The following VCAN variants were observed in gnomAD, a reference collection of about 807,000 sequenced individuals.
The protein encoded by VCAN is versican, also known as versican core protein.
In VCAN, 44 loss-of-function variants were observed where a neutral mutation model predicts 245.5. That is an observed-to-expected ratio of 0.18 (90% CI 0.14 to 0.23). The LOEUF (loss-of-function observed/expected upper bound fraction) is 0.23. Among genes scored for constraint, VCAN ranks in the 10% least tolerant of loss-of-function variants. The pLI is 1.00. For synonymous variants in VCAN, 1,413 were observed against 1,437.0 expected (o/e 0.98, Z 0.38); for missense variants, 3,793 against 4,057.9 (o/e 0.93, Z 1.77).
intron 2 of VCAN, among the ~76,000 whole-genome samples, chr5:83,487,087 C>T (rs139311141): frequency 4.6e-5 from 7 of 152,218 alleles, no homozygotes; most frequent in South Asian, 2.1e-4. Context: ...CTGTCCTAAT[C>T]GTTGATTATC....
rs1746920778 is a variant in VCAN at position 83,540,353 on chromosome 5, A to G, written c.7350A>G (p.Ala2450=). Reference sequence around the variant, plus strand: ...TTCACACTTCTGCAACTACTCAGGCAACCAGACAAGAAAGCAGCACCACAT... The same window carrying G: ...TTCACACTTCTGCAACTACTCAGGCGACCAGACAAGAAAGCAGCACCACAT... The part of the protein sequence containing the change: ...DSFHTSATTQ[A]TRQESSTTFV... The change falls in exon 8 of 15, where the codon GCA becomes GCG. Residue 2450 remains alanine (A), a synonymous_variant. Coordinates refer to ENST00000265077, the MANE Select transcript of VCAN (RefSeq NM_004385.5). 6.2e-7 allele frequency: 1 copy of G among 1,614,116 alleles called. No homozygotes were observed. The highest frequency in any genetic ancestry group is 2.2e-5 in the East Asian group (1 of 44,876).
At chr5:83,503,633 A>T (rs1745397859) in intron 5 of VCAN, among the ~76,000 whole-genome samples, 1 of 152,252 alleles carries the variant, frequency 6.6e-6, no homozygotes, top group Non-Finnish European at 1.5e-5. Context: ...TAGAGCTATA[A>T]GCACTAATGA....
intron 8 of VCAN, 35 bp downstream of exon 8, chr5:83,542,303 C>T (rs755845208): frequency 1.3e-6 from 2 of 1,584,906 alleles, no homozygotes; most frequent in South Asian, 2.2e-5. Context: ...TGTTTCCAAA[C>T]CTGGAAACAG....
At position 83,520,940 on chromosome 5, in the gene VCAN, A is replaced by G. The variant is rs1212233434; in HGVS notation, c.2634A>G (p.Lys878=). Residue 878 remains lysine, a synonymous_variant, in exon 7 of 15, where the codon AAA becomes AAG. Coordinates refer to ENST00000265077, the MANE Select transcript of VCAN (RefSeq NM_004385.5). The stretch of plus-strand genomic sequence containing the variant: ...ATGAAGACATAGCAGCCCATGGAAA[A>G]TTCACAATTAGATTTCAGCCAACTA... ...VTDEDIAAHG[K]FTIRFQPTTS... 1.2e-6 allele frequency: 2 copies of G among 1,614,130 alleles called. No homozygotes were observed. Among genetic ancestry groups the G allele is most frequent in the South Asian group, 1.1e-5 (1 of 91,084 alleles).
At chr5:83,571,194 A>G (rs151228456) in intron 12 of VCAN, among the ~76,000 whole-genome samples, 55 of 152,290 alleles carry the variant, frequency 3.6e-4, no homozygotes, top group African/African-American at 1.3e-3. Flanking sequence ...GTCTCATACC[A>G]CATTCTAGTT....
In VCAN at chr5:83,581,132, G is replaced by A. The variant is rs1044075085; in HGVS notation, c.*698G>A. On this transcript the variant is annotated 3_prime_UTR_variant, in exon 15 of 15. Transcript: ENST00000265077. ...TTCCTTTTTCTTCACTTACAAGAAA[G>A]GCCTGAATGGAGGACTTTTCTGTAA... 6.5e-6 allele frequency: 1 copy of A among 153,322 alleles called. No individual in the cohort carries two copies. Among genetic ancestry groups the A allele is most frequent in the African/African-American group, 2.4e-5 (1 of 41,414 alleles). The allele number at this position is 153,322 out of a possible 1,614,324, so 9.5% of individuals were successfully genotyped here.
intron 7 of VCAN, among the ~76,000 whole-genome samples, chr5:83,524,775 A>T (rs907345194): frequency 3.3e-5 from 5 of 152,194 alleles, no homozygotes; most frequent in Admixed American, 1.3e-4. Context: ...CCTAAAGCAG[A>T]TGTTCAATTA....
In VCAN at chr5:83,520,013, C is replaced by G. The variant is rs766131650; in HGVS notation, c.1707C>G (p.Ser569Arg). Reference sequence around the variant, plus strand: ...CACTTACAGTTGGATCTGATGAGAGCACCTTGATCTTTGACCAAATTCCTG... The same window carrying G: ...CACTTACAGTTGGATCTGATGAGAGGACCTTGATCTTTGACCAAATTCCTG... The part of the protein sequence containing the change: ...DRTLTVGSDE[S>R]TLIFDQIPEV... The change falls in exon 7 of 15, where the codon AGC becomes AGG. Residue 569 changes from serine to arginine, a missense_variant. Transcript: ENST00000265077. The G allele has an allele frequency of 1.7e-4, 268 of 1,613,940 alleles. No homozygotes were observed. Among genetic ancestry groups the G allele is most frequent in the Non-Finnish European group, 2.2e-4 (258 of 1,179,960 alleles).
chr5:83,531,952 T>C (rs1746538505), intron 7 of VCAN, among the ~76,000 whole-genome samples: 1 of 152,026 alleles, frequency 6.6e-6, no homozygotes, highest in Non-Finnish European at 1.5e-5. Context: ...CCCTGTAGAG[T>C]TCTGTGGTTT....
chr5:83,500,904 G>A (rs190647904), intron 5 of VCAN, among the ~76,000 whole-genome samples: 99 of 152,230 alleles, frequency 6.5e-4, no homozygotes, highest in Non-Finnish European at 1.1e-3. Context: ...TTTCAATGTG[G>A]CTGTACCATT....
intron 6 of VCAN, among the ~76,000 whole-genome samples, chr5:83,517,857 A>G (rs560176980): frequency 8.5e-5 from 13 of 152,300 alleles, no homozygotes; most frequent in Non-Finnish European, 1.9e-4. Context: ...AGTGAAGCTG[A>G]GCTTTAAAAT....
intron 5 of VCAN, among the ~76,000 whole-genome samples, chr5:83,509,415 A>G (rs1745584944): frequency 6.6e-6 from 1 of 152,196 alleles, no homozygotes; most frequent in African/African-American, 2.4e-5. Context: ...GAAACCAGCT[A>G]CCCATGAAAT....
At chr5:83,549,472 C>A (rs954938030) in intron 10 of VCAN, among the ~76,000 whole-genome samples, 1 of 152,154 alleles carries the variant, frequency 6.6e-6, no homozygotes, top group African/African-American at 2.4e-5. Context: ...GCTAGTAAAT[C>A]GTACAATGGG....
chr5:83,572,357 G>A (rs1006596724), intron 12 of VCAN, 59 bp from the exon 13 acceptor site: 10 of 1,594,828 alleles, frequency 6.3e-6, no homozygotes, highest in South Asian at 2.2e-5. Context: ...TAATACCGTC[G>A]TTGCTCTTAC....
chr5:83,558,591 T>A (rs961233619), intron 12 of VCAN, among the ~76,000 whole-genome samples: 2 of 152,158 alleles, frequency 1.3e-5, no homozygotes, highest in East Asian at 3.8e-4. Context: ...ATTTCAATGA[T>A]CCATTTTACT....
chr5:83,532,567 G>C (rs1746562001), intron 7 of VCAN, among the ~76,000 whole-genome samples: 1 of 151,922 alleles, frequency 6.6e-6, no homozygotes, highest in African/African-American at 2.4e-5. Context: ...CTGATATTAA[G>C]AAATCCAGCC....
intron 1 of VCAN, among the ~76,000 whole-genome samples, chr5:83,478,489 T>C (rs1744477066): frequency 6.6e-6 from 1 of 152,120 alleles, no homozygotes; most frequent in Non-Finnish European, 1.5e-5. Flanking sequence ...CCAAGACAAA[T>C]GGACAAGGAT....
rs755806449 is a variant in VCAN at position 83,541,066 on chromosome 5, C to A, written c.8063C>A (p.Pro2688His). ...GAAACAGAATTAGACGTTTTACTTCCCACGGCAACATCCCTGCCAATTCCT... is the reference window on the plus strand; with the variant it reads ...GAAACAGAATTAGACGTTTTACTTCACACGGCAACATCCCTGCCAATTCCT... ...STETELDVLL[P>H]TATSLPIPRK... is the part of the protein sequence containing the mutation. The change falls in exon 8 of 15, where the codon CCC becomes CAC. Residue 2688 changes from proline to histidine, a missense_variant. By Grantham distance (77) the Pro-to-His change is moderately conservative. This residue lies in a region of VCAN where 3,182 missense variants were observed against 3,250.3 expected (regional missense o/e 0.98). Coordinates refer to ENST00000265077, the MANE Select transcript of VCAN (RefSeq NM_004385.5). The A allele has an allele frequency of 1.9e-6, 3 of 1,614,014 alleles. No homozygotes were observed. The highest frequency in any genetic ancestry group is 1.7e-5 in the Admixed American group (1 of 60,002).
In VCAN at chr5:83,536,908, CTT is replaced by C. The variant is rs1746732723; in HGVS notation, c.4004-97_4004-96del. 24 of 984,186 alleles carry C rather than the reference CTT, an allele frequency of 2.4e-5. No homozygotes were observed. The South Asian group carries it at 4.3e-4, about 18-fold the overall frequency. The allele number at this position is 984,186 out of a possible 1,614,324, so 61.0% of individuals were successfully genotyped here. On this transcript the variant is annotated intron_variant, in intron 7 of 14. Coordinates refer to ENST00000265077, the MANE Select transcript of VCAN (RefSeq NM_004385.5). ...TTATTATGAAAAGATTTGAATCCTTCTTTGTGTGTGTGGGTGTGACCAGCCTT... is the reference window on the plus strand; with the variant it reads ...TTATTATGAAAAGATTTGAATCCTTCTGTGTGTGTGGGTGTGACCAGCCTT...
Sources: allele counts gnomAD v4.1 joint callset (sites outside exome capture counted in the v4.1 genomes callset), GRCh38; gene constraint gnomAD v4.1.1; regional missense constraint gnomAD v4.1.1; transcripts MANE v1.5; gene names NCBI Gene and HGNC (gene_info 2026-07-23, HGNC 2026-07-21).